The following RBFOX1 variants were observed in gnomAD, a reference collection of about 807,000 sequenced individuals.
RBFOX1 encodes RNA binding fox-1 homolog 1, also known as RNA binding protein fox-1 homolog 1.
RBFOX1 carries 8 observed loss-of-function variants against 57.7 expected under a neutral mutation model. That is an observed-to-expected ratio of 0.14 (90% CI 0.08 to 0.25). The LOEUF is 0.25. RBFOX1 is among the 10% of genes least tolerant of loss of function. RBFOX1 has a pLI of 1.00. For missense variants in RBFOX1, 611 were observed against 548.5 expected (o/e 1.11, Z -1.14); for synonymous variants, 326 against 222.4 (o/e 1.47, Z -4.15).
intron 12 of RBFOX1, among the ~76,000 whole-genome samples, chr16:7,664,200 T>C (rs892935723): frequency 3.3e-5 from 5 of 152,252 alleles, no homozygotes; most frequent in Admixed American, 6.5e-5. Context: ...GTATACACTA[T>C]AGACAAATAC....
At chr16:6,844,269 A>G (rs1004242923) in intron 3 of RBFOX1, among the ~76,000 whole-genome samples, 1 of 151,996 alleles carries the variant, frequency 6.6e-6, no homozygotes, top group Non-Finnish European at 1.5e-5. Context: ...AATAGGTACC[A>G]TGGCAGTTTG....
intron 4 of RBFOX1, among the ~76,000 whole-genome samples, chr16:5,954,011 A>G (rs59150596): frequency 6.6e-6 from 1 of 152,096 alleles, no homozygotes; most frequent in African/African-American, 2.4e-5. Flanking sequence ...GCTTGTCACC[A>G]CTGGGTGGCG....
chr16:6,323,999 C>T (rs1846543355), intron 2 of RBFOX1, among the ~76,000 whole-genome samples: 1 of 152,164 alleles, frequency 6.6e-6, no homozygotes, highest in Admixed American at 6.5e-5. Context: ...TCTCAAACTC[C>T]TGACCTCAAG....
At chr16:6,999,225 A>ATTTTTTTTTTTTTTTTTTT (rs200620958) in intron 3 of RBFOX1, among the ~76,000 whole-genome samples, 3 of 122,956 alleles carry the variant, frequency 2.4e-5, no homozygotes, top group Non-Finnish European at 5.1e-5. Context: ...TATTTTTTTT[A>ATTTTTTTTTTTTTTTTTTT]TTTATTTTTT....
At chr16:6,624,293 T>C (rs908513382) in intron 2 of RBFOX1, among the ~76,000 whole-genome samples, 19 of 152,230 alleles carry the variant, frequency 1.2e-4, no homozygotes, top group African/African-American at 4.6e-4. Flanking sequence ...TACCTTTTAA[T>C]AGTCTGTTTT....
At chr16:5,586,411 G>T (rs2046830467) in intron 2 of RBFOX1, among the ~76,000 whole-genome samples, 1 of 152,186 alleles carries the variant, frequency 6.6e-6, no homozygotes, top group Non-Finnish European at 1.5e-5. Flanking sequence ...CAGAACTCAT[G>T]CTAAGAGCTT....
intron 1 of RBFOX1, among the ~76,000 whole-genome samples, chr16:5,247,591 C>A (rs796870248): frequency 7.9e-5 from 12 of 152,314 alleles, no homozygotes; most frequent in African/African-American, 2.9e-4. Flanking sequence ...CAGCCCCCTG[C>A]CTGTTCATAC....
intron 5 of RBFOX1, among the ~76,000 whole-genome samples, chr16:7,525,295 G>T (rs1261928857): frequency 2.0e-5 from 3 of 152,272 alleles, no homozygotes; most frequent in Middle Eastern, 3.4e-3. Flanking sequence ...ATTATTTTGT[G>T]TGTGTGTGTG....
At chr16:6,687,791 A>C (rs189349532) in intron 3 of RBFOX1, among the ~76,000 whole-genome samples, 1 of 152,012 alleles carries the variant, frequency 6.6e-6, no homozygotes, top group African/African-American at 2.4e-5. Context: ...CACTCCTCTT[A>C]CTCCCTATTG....
At chr16:7,032,283 A>AAAAACG (rs937586314) in intron 3 of RBFOX1, among the ~76,000 whole-genome samples, 1 of 151,904 alleles carries the variant, frequency 6.6e-6, no homozygotes, top group African/African-American at 2.4e-5. Context: ...AAACAAAAAC[A>AAAAACG]AAACAAAAAA....
intron 4 of RBFOX1, among the ~76,000 whole-genome samples, chr16:7,357,385 T>C (rs551345198): frequency 4.9e-4 from 75 of 152,326 alleles, no homozygotes; most frequent in African/African-American, 1.6e-3. Context: ...ATCAGAAGCA[T>C]TGATTAAGCT....
chr16:7,620,088 G>T (rs908504521), intron 10 of RBFOX1, among the ~76,000 whole-genome samples: 1 of 152,138 alleles, frequency 6.6e-6, no homozygotes, highest in African/African-American at 2.4e-5. Context: ...AAACACAATA[G>T]TTCAATAGCT....
chr16:6,996,981 A>G (rs961972373), intron 3 of RBFOX1, among the ~76,000 whole-genome samples: 4 of 152,132 alleles, frequency 2.6e-5, no homozygotes, highest in African/African-American at 9.7e-5. Flanking sequence ...AGCATTGAAG[A>G]TTTCCTCATC....
chr16:5,535,989 C>T (rs2044677746), intron 2 of RBFOX1, among the ~76,000 whole-genome samples: 2 of 152,220 alleles, frequency 1.3e-5, no homozygotes, highest in South Asian at 2.1e-4. Context: ...AAAGTTTGTA[C>T]AGCCACACAC....
chr16:7,671,556 G>A, intron 13 of RBFOX1: 1 of 1,608,632 alleles, frequency 6.2e-7, no homozygotes, highest in Non-Finnish European at 8.5e-7. Flanking sequence ...TTTCCTTATA[G>A]AGTAGTGTAT....
At chr16:5,706,883 G>A (rs1282853377) in intron 3 of RBFOX1, among the ~76,000 whole-genome samples, 6 of 152,048 alleles carry the variant, frequency 3.9e-5, no homozygotes, top group Non-Finnish European at 8.8e-5. Context: ...GATTTAGGGT[G>A]GGGTTCCTCC....
chr16:5,277,440 C>T (rs780861575), intron 1 of RBFOX1, among the ~76,000 whole-genome samples: 2 of 146,976 alleles, frequency 1.4e-5, no homozygotes, highest in African/African-American at 2.6e-5. Flanking sequence ...TCCCTAAAAA[C>T]TATTGAAATA....
chr16:6,693,877 C>G (rs2060634724), intron 3 of RBFOX1, among the ~76,000 whole-genome samples: 2 of 152,208 alleles, frequency 1.3e-5, no homozygotes, highest in Admixed American at 1.3e-4. Context: ...TCACAGAGTG[C>G]CATATACAAT....
chr16:7,534,594 C>T (rs2081032801), intron 5 of RBFOX1, among the ~76,000 whole-genome samples: 2 of 152,126 alleles, frequency 1.3e-5, no homozygotes, highest in African/African-American at 2.4e-5. Flanking sequence ...TGGGTAAAGT[C>T]GTTAGTGCGT....
Sources: allele counts gnomAD v4.1 joint callset (sites outside exome capture counted in the v4.1 genomes callset), GRCh38; gene constraint gnomAD v4.1.1; transcripts MANE v1.5; gene names NCBI Gene and HGNC (gene_info 2026-07-23, HGNC 2026-07-21).